The following IKZF3 variants were observed in gnomAD, a reference collection of about 807,000 sequenced individuals.
The protein encoded by IKZF3 is zinc finger protein Aiolos.
A neutral mutation model predicts 49.0 loss-of-function variants in IKZF3; 10 were observed. The ratio of observed to expected loss-of-function variants is 0.20; its 90% confidence interval spans 0.13 to 0.35. The LOEUF is 0.35. Among genes scored for constraint, IKZF3 ranks in the 10% least tolerant of loss-of-function variants. The probability of loss-of-function intolerance (pLI) is 1.00; values close to 1 mark genes in which losing one functional copy is unlikely to be tolerated. For missense variants in IKZF3, 498 were observed against 664.8 expected (o/e 0.75, Z 2.76); for synonymous variants, 209 against 228.2 (o/e 0.92, Z 0.76).
intron 1 of IKZF3, among the ~76,000 whole-genome samples, chr17:39,838,119 A>G (rs367670457): frequency 5.9e-5 from 9 of 152,196 alleles, no homozygotes; most frequent in African/African-American, 1.9e-4. Context: ...ACTTGGGTTC[A>G]TGGAACTTCT....
chr17:39,788,106 G>T, intron 6 of IKZF3, 152 bp downstream of exon 6: 1 of 569,134 alleles, frequency 1.8e-6, no homozygotes, highest in Middle Eastern at 3.1e-4. Flanking sequence ...CTTACCACCC[G>T]CTAACCTTCC....
At chr17:39,797,425 C>CTTTT (rs35588873) in intron 3 of IKZF3, among the ~76,000 whole-genome samples, 3 of 137,498 alleles carry the variant, frequency 2.2e-5, no homozygotes, top group South Asian at 2.3e-4. Flanking sequence ...TTCTTTCTTT[C>CTTTT]TTTTTTTTTT....
chr17:39,793,794 T>C (rs1384537271), intron 3 of IKZF3, among the ~76,000 whole-genome samples: 1 of 152,082 alleles, frequency 6.6e-6, no homozygotes. Flanking sequence ...TGTAAATGAA[T>C]GAAATTTAAA....
chr17:39,815,494 C>T (rs911785381), intron 3 of IKZF3, among the ~76,000 whole-genome samples: 1 of 152,176 alleles, frequency 6.6e-6, no homozygotes, highest in Admixed American at 6.5e-5. Context: ...GCTCTGTGAT[C>T]ATAGGCCAAG....
At chr17:39,812,243 C>T (rs1216938252) in intron 3 of IKZF3, among the ~76,000 whole-genome samples, 4 of 152,064 alleles carry the variant, frequency 2.6e-5, no homozygotes, top group Non-Finnish European at 2.9e-5. Flanking sequence ...TTCTTGTCTC[C>T]GACACTATTC....
chr17:39,810,743 A>G (rs1248212161), intron 3 of IKZF3, among the ~76,000 whole-genome samples: 1 of 152,226 alleles, frequency 6.6e-6, no homozygotes, highest in Non-Finnish European at 1.5e-5. Context: ...GAGTAAAACA[A>G]TATAGGTATA....
Position 39,780,667 on chromosome 17 carries a change from C to CT in IKZF3, c.710-2901dup, listed in dbSNP as rs71355414. ...GCCACTGCACTCAGCCAAAGCTCAG[C>CT]TTTTTTTTTTTTCCTGGAATAACAT... On this transcript the variant is annotated intron_variant, in intron 6 of 7. Coordinates refer to ENST00000346872, the MANE Select transcript of IKZF3 (RefSeq NM_012481.5). Among the ~76,000 whole-genome samples the CT allele has an allele frequency of 9.3e-3, 1,361 of 146,630 alleles. 16 individuals are homozygous for CT. The highest frequency in any genetic ancestry group is 0.03 in the African/African-American group (1,207 of 40,370).
chr17:39,850,818 A>ATC (rs2062839530), intron 1 of IKZF3, among the ~76,000 whole-genome samples: 1 of 89,080 alleles, frequency 1.1e-5, no homozygotes, highest in Non-Finnish European at 2.4e-5. Flanking sequence ...ATATATACAT[A>ATC]TATAATATGC....
At chr17:39,839,571 G>A in intron 1 of IKZF3, 1 of 497,602 alleles carries the variant, frequency 2.0e-6, no homozygotes, top group Non-Finnish European at 3.9e-6. Context: ...GAGAAAGGAA[G>A]AGAGGACTGT....
At chr17:39,779,626 G>C (rs540476394) in intron 6 of IKZF3, among the ~76,000 whole-genome samples, 179 of 147,542 alleles carry the variant, frequency 1.2e-3, no homozygotes, top group Non-Finnish European at 2.4e-3. Context: ...GACACATATA[G>C]TCTCTATGTT....
Position 39,792,872 on chromosome 17 carries a change from T to C in IKZF3, c.225A>G (p.Glu75=), listed in dbSNP as rs2061061776. The change falls in exon 4 of 8, where the codon GAA becomes GAG. Residue 75 remains glutamate (E), a synonymous_variant. Transcript: ENST00000346872. ...SERDENVLKS[E]PMGNAEEPEI... ...CAGGCTCTTCTGCATTTCCCATGGG[T>C]TCTGACTTTAAAACATTCTCATCTC... 1 of 1,614,012 alleles carries C rather than the reference T, an allele frequency of 6.2e-7. No homozygotes were observed. Among genetic ancestry groups the C allele is most frequent in the South Asian group, 1.1e-5 (1 of 91,076 alleles).
At chr17:39,810,731 T>C (rs530398148) in intron 3 of IKZF3, among the ~76,000 whole-genome samples, 2 of 152,178 alleles carry the variant, frequency 1.3e-5, no homozygotes, top group Admixed American at 1.3e-4. Flanking sequence ...TAACATACAA[T>C]TGAGTAAAAC....
At chr17:39,837,573 C>T (rs539005728) in intron 1 of IKZF3, among the ~76,000 whole-genome samples, 1 of 151,914 alleles carries the variant, frequency 6.6e-6, no homozygotes, top group African/African-American at 2.4e-5. Context: ...CACACCTGGC[C>T]CAGTTTTTTT....
chr17:39,766,363 G>C lies in IKZF3; in HGVS notation c.957C>G (p.Ala319=), dbSNP rs2060292437. Residue 319 remains alanine, a synonymous_variant, in exon 8 of 8, where the codon GCC becomes GCG. Transcript: ENST00000346872. ...GCGGTGTCTGGACCAAGGGGCGCAG[G>C]GCTTCGGCGCCAAGATAGCTGATGG... ...NNAISYLGAE[A]LRPLVQTPPA... 1 of 1,614,078 alleles carries C rather than the reference G, an allele frequency of 6.2e-7. No individual in the cohort carries two copies. The highest frequency in any genetic ancestry group is 1.7e-5 in the Admixed American group (1 of 60,008).
intron 7 of IKZF3, among the ~76,000 whole-genome samples, chr17:39,769,713 G>A (rs953114751): frequency 3.3e-5 from 5 of 151,998 alleles, no homozygotes; most frequent in African/African-American, 1.2e-4. Context: ...TAAATACCAG[G>A]GGTCCTTGAG....
At position 39,831,909 on chromosome 17, in the gene IKZF3, G is replaced by C. The variant is rs142670907; in HGVS notation, c.61+189C>G. The stretch of plus-strand genomic sequence containing the variant: ...TTAGGTAGTGTATGTTTGGCCCTAA[G>C]ATGCTAAAGAACTTACATGATCTAA... On this transcript the variant is annotated intron_variant, in intron 2 of 7. Coordinates refer to ENST00000346872, the MANE Select transcript of IKZF3 (RefSeq NM_012481.5). Among the ~76,000 whole-genome samples the C allele has an allele frequency of 7.9e-5, 12 of 152,166 alleles. No individual in the cohort carries two copies. The East Asian group carries it at 2.1e-3, about 27-fold the overall frequency.
At chr17:39,788,435 T>C (rs2143838621) in intron 5 of IKZF3, 61 bp from the exon 6 acceptor site, 9 of 981,494 alleles carry the variant, frequency 9.2e-6, no homozygotes, top group Middle Eastern at 5.8e-4. Context: ...GGTCAGGTAT[T>C]GGGGCTCTGT....
At chr17:39,837,365 T>C (rs1391800176) in intron 1 of IKZF3, among the ~76,000 whole-genome samples, 1 of 152,180 alleles carries the variant, frequency 6.6e-6, no homozygotes, top group East Asian at 1.9e-4. Flanking sequence ...TATTTGCAAA[T>C]GTCTTTACTT....
chr17:39,848,333 C>T (rs2062694169), intron 1 of IKZF3, among the ~76,000 whole-genome samples: 1 of 152,204 alleles, frequency 6.6e-6, no homozygotes, highest in Non-Finnish European at 1.5e-5. Context: ...TGTTATTTTC[C>T]TTCAAAGGTC....
Sources: gnomAD v4.1 joint callset for allele counts (sites outside exome capture counted in the v4.1 genomes callset) on GRCh38, gnomAD v4.1.1 for gene constraint, MANE v1.5 for transcripts, NCBI Gene and HGNC (gene_info 2026-07-23, HGNC 2026-07-21) for gene names.